The following PRR33 variants were observed in gnomAD, a reference collection of about 807,000 sequenced individuals.
The protein encoded by PRR33 is proline rich 33.
In PRR33, 1 loss-of-function variant was observed where a neutral mutation model predicts 0.5. That is an observed-to-expected ratio of 2.18 (90% CI 0.77 to 10.34). The LOEUF is 10.34. PRR33 is among the 30% of genes most tolerant of loss of function. PRR33 has a pLI of 0.13. For missense variants in PRR33, 552 were observed against 251.8 expected, an observed-to-expected ratio of 2.19 and a Z score of -8.07; for synonymous variants, 226 against 110.0, an observed-to-expected ratio of 2.06 and a Z score of -6.60.
exon 1 of PRR33, chr11:1,891,102 G>A (rs1848983975): frequency 6.3e-6 from 1 of 157,750 alleles, no homozygotes; most frequent in Non-Finnish European, 1.4e-5. Context: ...AGCGGTGAGG[G>A]GTGGCGGCCA....
chr11:1,897,955 GA>G, the PRR33 span, among the ~76,000 whole-genome samples: 1 of 152,156 alleles, frequency 6.6e-6, no homozygotes, highest in Non-Finnish European at 1.5e-5. The surrounding 1 kb of genome is among the most constrained non-coding windows in gnomAD (Gnocchi z 4.0). Flanking sequence ...GCAAACCAAC[GA>G]AAATCAAATA....
the PRR33 span, among the ~76,000 whole-genome samples, chr11:1,903,593 C>T: frequency 1.3e-5 from 2 of 152,168 alleles, no homozygotes; most frequent in African/African-American, 4.8e-5. Context: ...CAGTGGTGTT[C>T]ACTTGGAACA....
the PRR33 span, among the ~76,000 whole-genome samples, chr11:1,909,114 G>A: frequency 6.6e-6 from 1 of 152,238 alleles, no homozygotes; most frequent in Non-Finnish European, 1.5e-5. Flanking sequence ...GCTGGGCATG[G>A]TAGCTCACGC....
At chr11:1,898,372 A>G in the PRR33 span, among the ~76,000 whole-genome samples, 1 of 151,990 alleles carries the variant, frequency 6.6e-6, no homozygotes, top group East Asian at 1.9e-4. Context: ...ATTAGTTGAG[A>G]TTACAGGCGC....
At chr11:1,909,651 G>A in the PRR33 span, among the ~76,000 whole-genome samples, 1 of 152,058 alleles carries the variant, frequency 6.6e-6, no homozygotes, top group African/African-American at 2.4e-5. Flanking sequence ...ATGGCAGTGG[G>A]CACCTGTAGT....
At chr11:1,900,799 A>G in the PRR33 span, among the ~76,000 whole-genome samples, 1 of 152,244 alleles carries the variant, frequency 6.6e-6, no homozygotes, top group Non-Finnish European at 1.5e-5. Context: ...AAATAAGGTT[A>G]AACATCATTT....
the PRR33 span, among the ~76,000 whole-genome samples, chr11:1,913,448 C>T: frequency 4.6e-5 from 7 of 152,094 alleles, no homozygotes; most frequent in Non-Finnish European, 1.0e-4. Flanking sequence ...GCCCGGCCCC[C>T]GCTTTCTGAT....
chr11:1,894,162 G>A (rs1407414111), upstream of PRR33, among the ~76,000 whole-genome samples: 1 of 144,914 alleles, frequency 6.9e-6, no homozygotes, highest in Non-Finnish European at 1.5e-5. Context: ...CTGTTTCCCA[G>A]GCTGGAATGT....
At chr11:1,893,215 C>G (rs1458624866), upstream of PRR33, among the ~76,000 whole-genome samples, 1 of 112,338 alleles carries the variant, frequency 8.9e-6, no homozygotes, top group African/African-American at 3.3e-5. Context: ...GATGAGTGGA[C>G]GGATAAGCAG....
the PRR33 span, among the ~76,000 whole-genome samples, chr11:1,913,554 C>A: frequency 6.6e-6 from 1 of 152,194 alleles, no homozygotes; most frequent in Non-Finnish European, 1.5e-5. Flanking sequence ...TCCAGCCTCA[C>A]CCACTCTCCC....
At chr11:1,915,415 T>A in the PRR33 span, among the ~76,000 whole-genome samples, 4 of 150,718 alleles carry the variant, frequency 2.7e-5, no homozygotes, top group South Asian at 8.5e-4. Flanking sequence ...GTGTGTATGT[T>A]GTGCGGTCAC....
the PRR33 span, among the ~76,000 whole-genome samples, chr11:1,898,356 C>T: frequency 6.6e-6 from 1 of 152,146 alleles, no homozygotes; most frequent in East Asian, 1.9e-4. Flanking sequence ...CTGCCTCAGC[C>T]TCACGATTAG....
At chr11:1,915,290 A>T in the PRR33 span, among the ~76,000 whole-genome samples, 3 of 151,510 alleles carry the variant, frequency 2.0e-5, no homozygotes, top group East Asian at 5.9e-4. Flanking sequence ...GGATGATGTT[A>T]TTCTCTGTGT....
the PRR33 span, among the ~76,000 whole-genome samples, chr11:1,915,808 G>A: frequency 6.7e-6 from 1 of 149,862 alleles, no homozygotes; most frequent in Non-Finnish European, 1.5e-5. Context: ...AGGGAGGGAT[G>A]GATGGATGCA....
exon 1 of PRR33, chr11:1,890,498 G>A (rs1433236057): frequency 1.4e-6 from 1 of 716,932 alleles, no homozygotes; most frequent in Non-Finnish European, 2.6e-6. Flanking sequence ...TCCCTGGCTT[G>A]GGCAGCAGGG....
chr11:1,910,365 T>A, the PRR33 span, among the ~76,000 whole-genome samples: 1 of 152,176 alleles, frequency 6.6e-6, no homozygotes, highest in African/African-American at 2.4e-5. Context: ...TTCTCCTGCC[T>A]CAGCCTCCTG....
exon 1 of PRR33, chr11:1,889,255 G>A (rs751716168): frequency 2.2e-5 from 15 of 676,914 alleles, no homozygotes; most frequent in South Asian, 1.1e-4. Flanking sequence ...TGCAGCTTCC[G>A]GGCGTTGAAG....
the PRR33 span, among the ~76,000 whole-genome samples, chr11:1,907,472 C>G: frequency 6.6e-6 from 1 of 152,188 alleles, no homozygotes; most frequent in African/African-American, 2.4e-5. Flanking sequence ...AGTGCAGTGG[C>G]GCAATCTTGG....
chr11:1,911,602 G>T, the PRR33 span, among the ~76,000 whole-genome samples: 1 of 151,740 alleles, frequency 6.6e-6, no homozygotes, highest in African/African-American at 2.4e-5. Context: ...TGTATTTTTG[G>T]TAGAGATGGG....
Sources: gnomAD v4.1 joint callset for allele counts (sites outside exome capture counted in the v4.1 genomes callset) on GRCh38, gnomAD v4.1.1 for gene constraint, Gnocchi (gnomAD v3.1) non-coding constraint, MANE v1.5 for transcripts, NCBI Gene and HGNC (gene_info 2026-07-23, HGNC 2026-07-21) for gene names.